ETFA: variants seen among roughly 807,000 people sequenced by gnomAD.
ETFA encodes the protein electron transfer flavoprotein subunit alpha, also known as electron transfer flavoprotein subunit alpha, mitochondrial.
A neutral mutation model predicts 46.2 loss-of-function variants in ETFA; 22 were observed. The ratio of observed to expected loss-of-function variants is 0.48; its 90% CI spans 0.34 to 0.68. The LOEUF (loss-of-function observed/expected upper bound fraction) is 0.68. ETFA is among the 30% of genes least tolerant of loss of function. The pLI, the probability that ETFA is intolerant of heterozygous loss-of-function variation, is 0.01. For missense variants in ETFA, 345 were observed against 401.1 expected (o/e 0.86, Z 1.19); for synonymous variants, 131 against 139.9 (o/e 0.94, Z 0.45).
At chr15:76,284,501 TA>T in intron 7 of ETFA, 1 of 199,858 alleles carries the variant, frequency 5.0e-6, no homozygotes, top group Non-Finnish European at 9.8e-6. Flanking sequence ...TTTATTTATT[TA>T]TTTTTTAGGA....
At chr15:76,249,883 A>G (rs769133676) in intron 9 of ETFA, among the ~76,000 whole-genome samples, 45 of 152,354 alleles carry the variant, frequency 3.0e-4, no homozygotes, top group South Asian at 2.1e-4. Flanking sequence ...CAAAGTTCAG[A>G]GAGCTGTTAA....
At chr15:76,259,982 C>A in intron 9 of ETFA, 2 of 1,449,650 alleles carry the variant, frequency 1.4e-6, no homozygotes, top group South Asian at 2.3e-5. Flanking sequence ...TGTGGATGGT[C>A]AAACTCCTTC....
intron 1 of ETFA, among the ~76,000 whole-genome samples, chr15:76,300,957 T>G (rs986093503): frequency 1.3e-5 from 2 of 152,202 alleles, no homozygotes; most frequent in African/African-American, 4.8e-5. Context: ...ATTAGTACAG[T>G]TGCAGTGGTA....
At chr15:76,280,913 A>G (rs1467445894) in intron 8 of ETFA, among the ~76,000 whole-genome samples, 1 of 106,320 alleles carries the variant, frequency 9.4e-6, no homozygotes, top group Non-Finnish European at 1.8e-5. Flanking sequence ...CTTTGTTCAG[A>G]TGTCTTTTTT....
At chr15:76,303,485 G>C (rs971441532) in intron 1 of ETFA, among the ~76,000 whole-genome samples, 1 of 151,704 alleles carries the variant, frequency 6.6e-6, no homozygotes, top group African/African-American at 2.4e-5. Context: ...TTAAACTAAA[G>C]AGCTTCTGCA....
chr15:76,296,203 C>T (rs1332318248), intron 1 of ETFA, among the ~76,000 whole-genome samples: 2 of 151,988 alleles, frequency 1.3e-5, no homozygotes, highest in African/African-American at 4.8e-5. Context: ...CTGCCTCGGC[C>T]TCCAAAGTGC....
chr15:76,245,182 T>C (rs1035180430), intron 9 of ETFA: 2 of 152,222 alleles, frequency 1.3e-5, no homozygotes, highest in Non-Finnish European at 2.9e-5. Flanking sequence ...GCCATGTAAT[T>C]ACCTTTAAGA....
chr15:76,308,014 TAAAC>T (rs1276111227), intron 1 of ETFA, among the ~76,000 whole-genome samples: 2 of 152,146 alleles, frequency 1.3e-5, no homozygotes, highest in Non-Finnish European at 2.9e-5. Context: ...CATATATATG[TAAAC>T]AAACAGGAGT....
chr15:76,292,679 C>T lies in ETFA; in HGVS notation c.208G>A (p.Val70Ile). 1 of 1,612,866 alleles carries T rather than the reference C, an allele frequency of 6.2e-7. No individual in the cohort carries two copies. The highest frequency in any genetic ancestry group is 8.5e-7 in the Non-Finnish European group (1 of 1,178,824). Residue 70 changes from valine to isoleucine, a missense_variant, in exon 3 of 12, where the codon GTA becomes ATA. Coordinates refer to ENST00000557943, the MANE Select transcript of ETFA (RefSeq NM_000126.4). ...ACCAGAACTTTTGCTATGCCTGCTA[C>T]TTTACAGAGATCTTGTGCCACCTAT... ...CDKVAQDLCK[V>I]AGIAKVLVAQ...
At chr15:76,222,326 ATTTTT>A (rs11475733) in intron 11 of ETFA, among the ~76,000 whole-genome samples, 1 of 149,760 alleles carries the variant, frequency 6.7e-6, no homozygotes, top group African/African-American at 2.4e-5. Context: ...CAAATATTGT[ATTTTT>A]TATTTTTTAA....
intron 1 of ETFA, among the ~76,000 whole-genome samples, 196 bp from the exon 2 acceptor site, chr15:76,295,933 A>ATTTTTTTTTTTTTTTTT (rs1555459250): frequency 3.4e-5 from 2 of 58,502 alleles, no homozygotes; most frequent in Non-Finnish European, 7.9e-5. Context: ...TACCACTAAT[A>ATTTTTTTTTTTTTTTTT]TTCTTTTTTT....
At chr15:76,261,269 C>G in intron 9 of ETFA, 1 of 1,573,748 alleles carries the variant, frequency 6.4e-7, no homozygotes, top group Non-Finnish European at 8.7e-7. Context: ...ACTGCCAGAT[C>G]TTTTGGCTCC....
intron 1 of ETFA, among the ~76,000 whole-genome samples, chr15:76,301,020 C>T (rs1285429643): frequency 1.3e-5 from 2 of 152,172 alleles, no homozygotes; most frequent in Non-Finnish European, 2.9e-5. Flanking sequence ...CCCACCTCCA[C>T]CATAACGTCT....
chr15:76,216,554 C>G lies in ETFA; in HGVS notation c.*5G>C. ...AAAGTTTTCTTTTTAAGGCATGATC[C>G]TGATTCATTTTTTCTTCAATATCTC... On this transcript the variant is annotated 3_prime_UTR_variant, in exon 12 of 12. Coordinates refer to ENST00000557943, the MANE Select transcript of ETFA (RefSeq NM_000126.4). 1 of 1,562,550 alleles carries G rather than the reference C, an allele frequency of 6.4e-7. No homozygotes were observed. Among genetic ancestry groups the G allele is most frequent in the Non-Finnish European group, 8.8e-7 (1 of 1,133,346 alleles).
chr15:76,273,792 T>C lies in ETFA; in HGVS notation c.816+620A>G, dbSNP rs143266476. 1.8e-3 allele frequency among the ~76,000 whole-genome samples: 270 copies of C among 152,178 alleles called. 3 individuals carry two copies. Among genetic ancestry groups the C allele is most frequent in the African/African-American group, 6.3e-3 (261 of 41,510 alleles). The stretch of plus-strand genomic sequence containing the variant: ...GGCTGAGACTCCTATTCACTGAAAA[T>C]CTGTATCACCTAAGAAATATAAACA... On this transcript the variant is annotated intron_variant, in intron 9 of 11. Coordinates refer to ENST00000557943, the MANE Select transcript of ETFA (RefSeq NM_000126.4).
chr15:76,218,184 G>A (rs114145226), intron 11 of ETFA, among the ~76,000 whole-genome samples: 3,643 of 152,238 alleles, frequency 0.024, 144 homozygotes, highest in African/African-American at 0.084. Flanking sequence ...AAATTTTACC[G>A]AATATATCCT....
At chr15:76,285,196 A>G (rs1247173490) in intron 7 of ETFA, among the ~76,000 whole-genome samples, 1 of 152,332 alleles carries the variant, frequency 6.6e-6, no homozygotes, top group South Asian at 2.1e-4. Flanking sequence ...TTGATATTAA[A>G]TGTTAAGAAA....
chr15:76,262,262 A>G (rs1226370276), intron 9 of ETFA, among the ~76,000 whole-genome samples: 1 of 152,112 alleles, frequency 6.6e-6, no homozygotes, highest in African/African-American at 2.4e-5. Context: ...ACAGAACTCC[A>G]GCAATCTGGG....
At chr15:76,228,057 C>G in intron 10 of ETFA, 1 of 441,554 alleles carries the variant, frequency 2.3e-6, no homozygotes, top group South Asian at 1.6e-5. Flanking sequence ...GAATGTGTAA[C>G]CTGCTTCACG....
Sources: gnomAD v4.1 joint callset for allele counts (sites outside exome capture counted in the v4.1 genomes callset) on GRCh38, gnomAD v4.1.1 for gene constraint, MANE v1.5 for transcripts, NCBI Gene and HGNC (gene_info 2026-07-23, HGNC 2026-07-21) for gene names.